SMYD3: variants seen among roughly 807,000 people sequenced by gnomAD.
The protein encoded by SMYD3 is SET and MYND domain containing 3.
A neutral mutation model predicts 57.7 loss-of-function variants in SMYD3; 36 were observed. That is an observed-to-expected ratio of 0.62 (90% CI 0.48 to 0.82). The LOEUF is 0.82. SMYD3 is among the 40% of genes least tolerant of loss of function. The pLI is 0.00. For missense variants in SMYD3, 515 were observed against 538.8 expected (o/e 0.96, Z 0.44); for synonymous variants, 211 against 195.0 (o/e 1.08, Z -0.68).
intron 1 of SMYD3, among the ~76,000 whole-genome samples, chr1:246,400,407 G>A (rs2066748465): frequency 6.6e-6 from 1 of 152,102 alleles, no homozygotes; most frequent in Admixed American, 6.5e-5. Flanking sequence ...TTATTTGTTT[G>A]TTTATTTTTT....
chr1:246,484,035 C>T (rs1160720391), intron 1 of SMYD3, among the ~76,000 whole-genome samples: 5 of 134,628 alleles, frequency 3.7e-5, no homozygotes, highest in African/African-American at 1.5e-4. Context: ...GCACTAGTTA[C>T]ACCTAAAAAC....
At chr1:246,396,662 T>C (rs1180268841) in intron 1 of SMYD3, among the ~76,000 whole-genome samples, 1 of 152,188 alleles carries the variant, frequency 6.6e-6, no homozygotes, top group Non-Finnish European at 1.5e-5. Context: ...GAGGGCCTGG[T>C]GGGGCACGAC....
At chr1:246,075,823 TGAG>T (rs2060535945) in intron 5 of SMYD3, among the ~76,000 whole-genome samples, 1 of 151,948 alleles carries the variant, frequency 6.6e-6, no homozygotes, top group Non-Finnish European at 1.5e-5. Context: ...TCTGTAAGAC[TGAG>T]GAGTTCATAT....
chr1:246,473,646 G>T (rs2067989660), intron 1 of SMYD3, among the ~76,000 whole-genome samples: 1 of 152,144 alleles, frequency 6.6e-6, no homozygotes, highest in Non-Finnish European at 1.5e-5. Context: ...ATGCACTGGT[G>T]ATCTAAAAGC....
intron 1 of SMYD3, among the ~76,000 whole-genome samples, chr1:246,488,697 T>G (rs1012301403): frequency 1.3e-5 from 2 of 151,930 alleles, no homozygotes; most frequent in Non-Finnish European, 2.9e-5. Context: ...AAAGAAAAAA[T>G]AAAAATAGAG....
chr1:246,121,361 T>C (rs985759218), intron 5 of SMYD3, among the ~76,000 whole-genome samples: 4 of 151,686 alleles, frequency 2.6e-5, no homozygotes, highest in Non-Finnish European at 4.4e-5. Context: ...TTGTTTTGTT[T>C]TGTGTTTAGG....
intron 10 of SMYD3, among the ~76,000 whole-genome samples, chr1:245,815,716 C>G (rs1205681198): frequency 6.6e-6 from 1 of 152,232 alleles, no homozygotes; most frequent in Non-Finnish European, 1.5e-5. Flanking sequence ...GTCTTTAACA[C>G]TTTACAGTCT....
chr1:245,764,978 C>CT (rs1198784251), intron 10 of SMYD3, among the ~76,000 whole-genome samples: 1 of 151,332 alleles, frequency 6.6e-6, no homozygotes, highest in Non-Finnish European at 1.5e-5. Context: ...CCAATACCCC[C>CT]TACCCCTACT....
rs1204713363 is a variant in SMYD3, at chr1:246,335,402, AG to A, written c.300del (p.Ser101ProfsTer36). 9.3e-6 allele frequency: 15 copies of A among 1,614,098 alleles called. No individual in the cohort carries two copies. Among genetic ancestry groups the A allele is most frequent in the Non-Finnish European group, 1.3e-5 (15 of 1,179,994 alleles). Reference protein sequence around the residue: ...LKSCKPRYPPDSVRLLGRVVF... With the variant: ...LKSCKPRYPPXSVRLLGRVVF... ...ACAACTCTGCCAAGAAGTCGAACGG[AG>A]TCTGGAGGATATCTGGGTTTGCAGC... On this transcript the variant is annotated frameshift_variant, in exon 3 of 12. Coordinates refer to ENST00000490107, the MANE Select transcript of SMYD3 (RefSeq NM_001167740.2). LOFTEE classifies it high-confidence loss of function.
At position 245,894,785 on chromosome 1, in the gene SMYD3, C is replaced by T. The variant is rs112084197; in HGVS notation, c.813+20745G>A. On this transcript the variant is annotated intron_variant, in intron 8 of 11. Coordinates refer to ENST00000490107, the MANE Select transcript of SMYD3 (RefSeq NM_001167740.2). ...ACTCTGTATCACATTAGCTGCCATC[C>T]CTCAATCTATCCTCTGAGCTGGAGG... 3.3e-3 allele frequency among the ~76,000 whole-genome samples: 506 copies of T among 152,274 alleles called. 4 individuals are homozygous for T. The highest frequency in any genetic ancestry group is 0.012 in the African/African-American group (481 of 41,542).
chr1:246,228,356 T>C (rs946827757), intron 5 of SMYD3, among the ~76,000 whole-genome samples: 1 of 152,178 alleles, frequency 6.6e-6, no homozygotes, highest in African/African-American at 2.4e-5. Flanking sequence ...TCATTAAAAG[T>C]TATCTTACAG....
chr1:246,206,851 TA>T (rs2063008367), intron 5 of SMYD3, among the ~76,000 whole-genome samples: 1 of 152,234 alleles, frequency 6.6e-6, no homozygotes, highest in Non-Finnish European at 1.5e-5. Flanking sequence ...TATAGTTTTA[TA>T]AACTGTATAA....
At chr1:246,052,234 G>C (rs925084305) in intron 5 of SMYD3, among the ~76,000 whole-genome samples, 2 of 152,192 alleles carry the variant, frequency 1.3e-5, no homozygotes, top group Non-Finnish European at 2.9e-5. Flanking sequence ...CTTTTAACAA[G>C]TGACATCCAA....
At chr1:246,086,284 G>A (rs571345183) in intron 5 of SMYD3, among the ~76,000 whole-genome samples, 20 of 144,218 alleles carry the variant, frequency 1.4e-4, no homozygotes, top group African/African-American at 4.1e-4. Flanking sequence ...CGAAGCTAAC[G>A]CACTGTTTCA....
At chr1:245,827,988 A>G (rs887800954) in intron 10 of SMYD3, among the ~76,000 whole-genome samples, 6 of 152,238 alleles carry the variant, frequency 3.9e-5, no homozygotes, top group Non-Finnish European at 8.8e-5. Context: ...CGAGGAAAGA[A>G]AGGTTAAATT....
At chr1:246,427,816 T>C (rs1198569523) in intron 1 of SMYD3, among the ~76,000 whole-genome samples, 2 of 152,100 alleles carry the variant, frequency 1.3e-5, no homozygotes, top group Non-Finnish European at 2.9e-5. Context: ...ACTGTGTCAC[T>C]GCACTCCAGC....
At chr1:246,264,403 A>C (rs772717905) in intron 5 of SMYD3, among the ~76,000 whole-genome samples, 1 of 152,214 alleles carries the variant, frequency 6.6e-6, no homozygotes, top group African/African-American at 2.4e-5. Flanking sequence ...TAATCCCAGC[A>C]TTTTGGGAAG....
chr1:246,327,436 C>T (rs751471145), intron 4 of SMYD3, 99 bp from the exon 5 acceptor site: 267 of 1,032,906 alleles, frequency 2.6e-4, no homozygotes, highest in Non-Finnish European at 3.5e-4. Context: ...ATATTTCCTA[C>T]CTTACATTGG....
chr1:246,309,165 T>TA (rs920723053), intron 5 of SMYD3, among the ~76,000 whole-genome samples: 164 of 152,192 alleles, frequency 1.1e-3, no homozygotes, highest in Middle Eastern at 3.4e-3. Flanking sequence ...AAAAAAAAGT[T>TA]AAAAAAAGCT....
Sources: allele counts gnomAD v4.1 joint callset (sites outside exome capture counted in the v4.1 genomes callset), GRCh38; gene constraint gnomAD v4.1.1; transcripts MANE v1.5; gene names NCBI Gene and HGNC (gene_info 2026-07-23, HGNC 2026-07-21).